MYOF: variants seen among roughly 807,000 people sequenced by gnomAD.
MYOF encodes the protein fer-1-like 3, myoferlin.
Under a neutral mutation model 284.2 loss-of-function variants are expected in MYOF, and 244 were observed. The ratio of observed to expected loss-of-function variants is 0.86; its 90% CI spans 0.77 to 0.95. The LOEUF (loss-of-function observed/expected upper bound fraction) is 0.95, where lower values mean the gene tolerates loss of function less well. MYOF is among the 40% of genes least tolerant of loss of function. MYOF has a pLI of 0.00. For synonymous variants in MYOF, 904 were observed against 919.7 expected (o/e 0.98, Z 0.31); for missense variants, 2,496 against 2,560.6 (o/e 0.97, Z 0.54).
At chr10:93,454,935 C>T (rs1024544417) in intron 2 of MYOF, among the ~76,000 whole-genome samples, 3 of 142,608 alleles carry the variant, frequency 2.1e-5, no homozygotes, top group African/African-American at 7.9e-5. Flanking sequence ...GATATGATTA[C>T]ACCACTGCAT....
chr10:93,352,170 G>T (rs1844556692), intron 32 of MYOF, among the ~76,000 whole-genome samples: 1 of 152,092 alleles, frequency 6.6e-6, no homozygotes, highest in African/African-American at 2.4e-5. Context: ...GATACACCTG[G>T]GGTCAACACC....
intron 3 of MYOF, among the ~76,000 whole-genome samples, chr10:93,436,631 C>G (rs995970194): frequency 3.6e-4 from 55 of 152,178 alleles, no homozygotes; most frequent in African/African-American, 1.3e-3. Flanking sequence ...AAAATACGCC[C>G]CATGGATAAG....
intron 1 of MYOF, among the ~76,000 whole-genome samples, chr10:93,461,332 G>A (rs549067199): frequency 2.6e-5 from 4 of 152,296 alleles, no homozygotes; most frequent in Admixed American, 6.5e-5. Context: ...AAATTGCCAG[G>A]CATTGAGCAC....
intron 3 of MYOF, among the ~76,000 whole-genome samples, chr10:93,440,846 G>A (rs902915190): frequency 1.3e-5 from 2 of 152,156 alleles, no homozygotes; most frequent in East Asian, 3.8e-4. Flanking sequence ...CTCCAGGGCT[G>A]TGGCCCAATC....
intron 46 of MYOF, among the ~76,000 whole-genome samples, chr10:93,324,004 T>G (rs1028447409): frequency 6.6e-6 from 1 of 152,218 alleles, no homozygotes; most frequent in African/African-American, 2.4e-5. Flanking sequence ...TCCTGGCCAT[T>G]GGTTCATTAG....
At chr10:93,385,364 AAT>A (rs1384506058) in intron 19 of MYOF, among the ~76,000 whole-genome samples, 2 of 152,242 alleles carry the variant, frequency 1.3e-5, no homozygotes, top group Non-Finnish European at 2.9e-5. Flanking sequence ...CACCGGGAGC[AAT>A]AGCTCAGCTC....
intron 41 of MYOF, among the ~76,000 whole-genome samples, chr10:93,335,673 G>C (rs1465310201): frequency 6.7e-6 from 1 of 149,600 alleles, no homozygotes; most frequent in African/African-American, 2.4e-5. Flanking sequence ...GAGATGCGGA[G>C]ATGGCTCGAG....
chr10:93,347,978 T>G (rs1844312778), intron 36 of MYOF, among the ~76,000 whole-genome samples, 196 bp from the exon 37 acceptor site: 1 of 152,198 alleles, frequency 6.6e-6, no homozygotes, highest in African/African-American at 2.4e-5. Context: ...CTGGGTCAAA[T>G]CCTGGCACTG....
At chr10:93,373,824 C>G (rs1382272702) in intron 23 of MYOF, among the ~76,000 whole-genome samples, 1 of 152,190 alleles carries the variant, frequency 6.6e-6, no homozygotes, top group African/African-American at 2.4e-5. Flanking sequence ...TTATCCAGCA[C>G]TTACTGTATG....
intron 37 of MYOF, among the ~76,000 whole-genome samples, chr10:93,347,274 C>T (rs184731560): frequency 7.0e-4 from 106 of 150,832 alleles, no homozygotes; most frequent in African/African-American, 2.3e-3. Flanking sequence ...CCCAGACGGC[C>T]GGGCGCGGTG....
At chr10:93,461,271 T>C (rs1039678462) in intron 1 of MYOF, among the ~76,000 whole-genome samples, 5 of 152,316 alleles carry the variant, frequency 3.3e-5, no homozygotes, top group African/African-American at 1.2e-4. Context: ...AGTGAGTTCT[T>C]CCGCAAACAT....
intron 27 of MYOF, among the ~76,000 whole-genome samples, 192 bp from the exon 28 acceptor site, chr10:93,361,749 A>G (rs1564649640): frequency 5.9e-5 from 9 of 152,150 alleles, no homozygotes. Flanking sequence ...AATTAGTTTA[A>G]ACTACCTTTT....
At chr10:93,358,661 G>C (rs147593360) in intron 29 of MYOF, among the ~76,000 whole-genome samples, 1,815 of 152,222 alleles carry the variant, frequency 0.012, 24 homozygotes, top group Non-Finnish European at 0.021. Context: ...GACATGGATG[G>C]AGCTGGAAGC....
intron 1 of MYOF, among the ~76,000 whole-genome samples, chr10:93,463,493 G>A (rs1187524195): frequency 2.1e-5 from 3 of 141,628 alleles, no homozygotes; most frequent in Non-Finnish European, 4.5e-5. Flanking sequence ...TCCGCCTCCT[G>A]TGTTCAAGTG....
At chr10:93,421,142 G>A (rs1343271378) in intron 5 of MYOF, among the ~76,000 whole-genome samples, 1 of 152,114 alleles carries the variant, frequency 6.6e-6, no homozygotes, top group Non-Finnish European at 1.5e-5. Flanking sequence ...GTTTGAACCG[G>A]GGAGGTGGAG....
intron 1 of MYOF, among the ~76,000 whole-genome samples, chr10:93,475,402 G>A (rs760981525): frequency 6.6e-6 from 1 of 152,190 alleles, no homozygotes; most frequent in Non-Finnish European, 1.5e-5. Flanking sequence ...AATGCAAAAT[G>A]TCTTATACAC....
At chr10:93,350,935 A>C (rs758501842) in intron 35 of MYOF, among the ~76,000 whole-genome samples, 18 of 152,154 alleles carry the variant, frequency 1.2e-4, no homozygotes, top group Non-Finnish European at 2.2e-4. Context: ...CCAGGTCTCC[A>C]GTTGACCTGA....
At chr10:93,417,596 C>T (rs192139272) in intron 5 of MYOF, among the ~76,000 whole-genome samples, 19 of 152,104 alleles carry the variant, frequency 1.2e-4, no homozygotes, top group Admixed American at 1.2e-3. Context: ...AGCACCACTT[C>T]TCCCTACCAA....
At chr10:93,331,030 C>T (rs1843273800) in intron 43 of MYOF, among the ~76,000 whole-genome samples, 1 of 152,164 alleles carries the variant, frequency 6.6e-6, no homozygotes. Context: ...TCTGGACAAA[C>T]TAAAGGTTCT....
Sources: allele counts gnomAD v4.1 joint callset (sites outside exome capture counted in the v4.1 genomes callset), GRCh38; gene constraint gnomAD v4.1.1; transcripts MANE v1.5; gene names NCBI Gene and HGNC (gene_info 2026-07-23, HGNC 2026-07-21).